The following ENTREP2 variants were observed in gnomAD, a reference collection of about 807,000 sequenced individuals.
ENTREP2 encodes the protein endosomal transmembrane epsin interactor 2.
chr15:29,158,585 T>A, the ENTREP2 span, among the ~76,000 whole-genome samples: 1,276 of 152,224 alleles, frequency 8.4e-3, 24 homozygotes, highest in African/African-American at 0.029. Context: ...TGATGTATAT[T>A]TTTTTAAGTA....
chr15:29,253,731 A>G, the ENTREP2 span, among the ~76,000 whole-genome samples: 46 of 151,992 alleles, frequency 3.0e-4, no homozygotes, highest in South Asian at 8.3e-4. Context: ...ATGAGCCACC[A>G]CGCCCGGCCA....
At chr15:29,376,347 G>C in the ENTREP2 span, 1 of 152,036 alleles carries the variant, frequency 6.6e-6, no homozygotes, top group Middle Eastern at 3.4e-3. Context: ...TCTAATCAGA[G>C]CTATATAATC....
the ENTREP2 span, among the ~76,000 whole-genome samples, chr15:29,602,736 C>T: frequency 6.6e-6 from 1 of 152,128 alleles, no homozygotes; most frequent in Non-Finnish European, 1.5e-5. Flanking sequence ...TATATTCCCT[C>T]TTTCAGTGTT....
At chr15:29,186,332 G>T in the ENTREP2 span, among the ~76,000 whole-genome samples, 1 of 152,210 alleles carries the variant, frequency 6.6e-6, no homozygotes, top group Non-Finnish European at 1.5e-5. Flanking sequence ...GGGAAGGAGG[G>T]AGTCTGTATG....
chr15:29,504,540 G>C, the ENTREP2 span, among the ~76,000 whole-genome samples: 68 of 152,328 alleles, frequency 4.5e-4, no homozygotes, highest in African/African-American at 1.6e-3. Flanking sequence ...ACTGTAACTT[G>C]ATCTGTGATA....
the ENTREP2 span, among the ~76,000 whole-genome samples, chr15:29,260,009 C>T: frequency 6.6e-6 from 1 of 152,138 alleles, no homozygotes; most frequent in Non-Finnish European, 1.5e-5. Context: ...GGCAGAAACA[C>T]ATGAATTAAC....
the ENTREP2 span, among the ~76,000 whole-genome samples, chr15:29,645,802 C>A: frequency 1.3e-5 from 2 of 152,058 alleles, no homozygotes; most frequent in African/African-American, 2.4e-5. Context: ...CCTCGTGATC[C>A]GCCCACTCAG....
chr15:29,176,031 G>A, the ENTREP2 span, among the ~76,000 whole-genome samples: 7 of 152,260 alleles, frequency 4.6e-5, no homozygotes, highest in Admixed American at 1.3e-4. Context: ...GATTAAGGAC[G>A]AAGCTAAAAA....
chr15:29,311,329 T>C, the ENTREP2 span, among the ~76,000 whole-genome samples: 1 of 152,222 alleles, frequency 6.6e-6, no homozygotes, highest in Admixed American at 6.5e-5. Context: ...TCATTGCCTT[T>C]GCTGTTGTAC....
the ENTREP2 span, among the ~76,000 whole-genome samples, chr15:29,208,132 C>T: frequency 6.6e-6 from 1 of 151,696 alleles, no homozygotes; most frequent in South Asian, 2.1e-4. Flanking sequence ...CCCACCATTT[C>T]CCTCTTTTGC....
At chr15:29,425,492 GTGTT>G in the ENTREP2 span, among the ~76,000 whole-genome samples, 1 of 152,134 alleles carries the variant, frequency 6.6e-6, no homozygotes, top group Admixed American at 6.5e-5. Flanking sequence ...TAAGCTATTT[GTGTT>G]TGTTTGTTTG....
At chr15:29,603,910 A>G in the ENTREP2 span, among the ~76,000 whole-genome samples, 1 of 152,188 alleles carries the variant, frequency 6.6e-6, no homozygotes, top group South Asian at 2.1e-4. Context: ...AAGTACTCCG[A>G]TTATAGGCAT....
At chr15:29,123,441 G>A in the ENTREP2 span, 10 of 1,551,540 alleles carry the variant, frequency 6.4e-6, no homozygotes, top group East Asian at 7.3e-5. Context: ...GCTGTGCCTC[G>A]GTGGGGAGGG....
chr15:29,263,887 G>C, the ENTREP2 span, among the ~76,000 whole-genome samples: 1 of 151,966 alleles, frequency 6.6e-6, no homozygotes, highest in East Asian at 1.9e-4. Context: ...GGGTGGGCGC[G>C]GTGGCTCACG....
the ENTREP2 span, among the ~76,000 whole-genome samples, chr15:29,649,750 GAAAGAAAGAAA>G: frequency 2.0e-3 from 292 of 144,746 alleles, no homozygotes; most frequent in African/African-American, 7.3e-3. Flanking sequence ...AAAAAAGAAA[GAAAGAAAGAAA>G]AAAGAAAGAA....
chr15:29,455,425 C>G, the ENTREP2 span, among the ~76,000 whole-genome samples: 2 of 152,210 alleles, frequency 1.3e-5, no homozygotes, highest in Non-Finnish European at 2.9e-5. Context: ...CATTTGATAC[C>G]TAATACAGCT....
the ENTREP2 span, among the ~76,000 whole-genome samples, chr15:29,664,446 CTCT>C: frequency 6.7e-6 from 1 of 148,364 alleles, no homozygotes; most frequent in Non-Finnish European, 1.5e-5. Context: ...TTTTCTCTCT[CTCT>C]TTTTTTTTTT....
chr15:29,491,688 A>C, the ENTREP2 span, among the ~76,000 whole-genome samples: 2 of 152,186 alleles, frequency 1.3e-5, no homozygotes, highest in Admixed American at 6.5e-5. Context: ...CACAGCCCAA[A>C]GTTGTTGGGA....
At chr15:29,649,092 A>C in the ENTREP2 span, among the ~76,000 whole-genome samples, 1 of 150,632 alleles carries the variant, frequency 6.6e-6, no homozygotes, top group Admixed American at 6.6e-5. Context: ...ACACACACAC[A>C]GCTATTATGC....
Sources: gnomAD v4.1 joint callset for allele counts (sites outside exome capture counted in the v4.1 genomes callset) on GRCh38, gnomAD v4.1.1 for gene constraint, MANE v1.5 for transcripts, NCBI Gene and HGNC (gene_info 2026-07-23, HGNC 2026-07-21) for gene names.